STAM: variants seen among roughly 807,000 people sequenced by gnomAD.
STAM encodes the protein signal transducing adaptor molecule, also known as signal transducing adapter molecule 1.
In STAM, 16 loss-of-function variants were observed where a neutral mutation model predicts 63.4. The ratio of observed to expected loss-of-function variants is 0.25; its 90% CI spans 0.17 to 0.38. STAM has a LOEUF of 0.38. Ranked by LOEUF, STAM falls within the 10% of genes least tolerant of loss-of-function variation. STAM has a pLI of 1.00. For missense variants in STAM, 636 were observed against 657.1 expected (o/e 0.97, Z 0.35); for synonymous variants, 238 against 223.9 (o/e 1.06, Z -0.56).
chr10:17,644,708 C>A, intron 1 of STAM, among the ~76,000 whole-genome samples: 1 of 152,278 alleles, frequency 6.6e-6, no homozygotes, highest in East Asian at 1.9e-4. Context: ...CAGCGAAGGG[C>A]TTAAGGCGTA....
At chr10:17,665,319 C>T (rs971456620) in intron 2 of STAM, among the ~76,000 whole-genome samples, 1 of 152,074 alleles carries the variant, frequency 6.6e-6, no homozygotes, top group Admixed American at 6.5e-5. Flanking sequence ...AGTATGTATT[C>T]ACATGGCTCA....
rs371255096 is a variant in STAM, at chr10:17,684,763, A to C, written c.201+13A>C. 1.8e-5 allele frequency: 29 copies of C among 1,613,754 alleles called. No individual in the cohort carries two copies. The highest frequency in any genetic ancestry group is 2.0e-5 in the Non-Finnish European group (24 of 1,179,922). ...GCAGGCTTTGACTGTGAGTGGTTTC[A>C]TTTTAATCTGTACCACGAAATTACC... On this transcript the variant is annotated intron_variant, in intron 3 of 13. Coordinates refer to ENST00000377524, the MANE Select transcript of STAM (RefSeq NM_003473.4).
chr10:17,655,480 A>C (rs1184351761), intron 1 of STAM, among the ~76,000 whole-genome samples: 2 of 152,096 alleles, frequency 1.3e-5, no homozygotes, highest in Non-Finnish European at 2.9e-5. Context: ...TGCTTATTTT[A>C]GTTGTCCGGT....
At chr10:17,696,977 T>C (rs1316644148) in intron 8 of STAM, 108 bp downstream of exon 8, 3 of 811,710 alleles carry the variant, frequency 3.7e-6, no homozygotes, top group Non-Finnish European at 6.0e-6. Context: ...TGGAGTGCAG[T>C]GGTGCGAGCT....
chr10:17,661,015 A>G (rs1383201077), intron 2 of STAM, among the ~76,000 whole-genome samples: 1 of 152,136 alleles, frequency 6.6e-6, no homozygotes, highest in Non-Finnish European at 1.5e-5. Flanking sequence ...GTTATTTATG[A>G]GTTCTTTTCT....
chr10:17,677,196 TA>T (rs1834892301), intron 2 of STAM, among the ~76,000 whole-genome samples: 1 of 152,190 alleles, frequency 6.6e-6, no homozygotes, highest in Non-Finnish European at 1.5e-5. Flanking sequence ...TTGGCTGTGG[TA>T]AAACAACATA....
chr10:17,705,905 CAA>C (rs35030917), intron 12 of STAM, among the ~76,000 whole-genome samples, 164 bp downstream of exon 12: 25 of 123,230 alleles, frequency 2.0e-4, no homozygotes, highest in Admixed American at 3.2e-4. Context: ...CTGTCTCTAC[CAA>C]AAAAAAAAAA....
chr10:17,673,827 T>C (rs1247954751), intron 2 of STAM, among the ~76,000 whole-genome samples: 3 of 152,256 alleles, frequency 2.0e-5, no homozygotes, highest in Admixed American at 1.3e-4. Flanking sequence ...TAACTATTAG[T>C]GTTACAACTA....
chr10:17,677,448 A>G (rs781852810), intron 2 of STAM, among the ~76,000 whole-genome samples: 7 of 152,156 alleles, frequency 4.6e-5, no homozygotes, highest in African/African-American at 7.2e-5. Context: ...ATAATTCTTT[A>G]TATCTGGCCT....
intron 12 of STAM, among the ~76,000 whole-genome samples, chr10:17,707,180 C>T (rs910727736): frequency 6.6e-6 from 1 of 151,948 alleles, no homozygotes; most frequent in African/African-American, 2.4e-5. Context: ...GAGGCCGAGG[C>T]GGGTGGATCA....
intron 5 of STAM, among the ~76,000 whole-genome samples, chr10:17,690,460 A>G (rs1298989256): frequency 1.3e-5 from 2 of 152,218 alleles, no homozygotes; most frequent in Non-Finnish European, 2.9e-5. Flanking sequence ...CCTACAAGAA[A>G]TACATATAAA....
At chr10:17,685,591 G>A (rs897549023) in intron 4 of STAM, among the ~76,000 whole-genome samples, 1 of 152,158 alleles carries the variant, frequency 6.6e-6, no homozygotes, top group Admixed American at 6.5e-5. Context: ...GGTTGGGGCT[G>A]GTTTCTGTGT....
chr10:17,713,011 A>T (rs781997120), intron 13 of STAM, among the ~76,000 whole-genome samples: 3 of 151,928 alleles, frequency 2.0e-5, no homozygotes, highest in Non-Finnish European at 4.4e-5. Flanking sequence ...GTCCTTTGGG[A>T]CCGTTCTTGT....
chr10:17,663,865 C>T (rs1255494562), intron 2 of STAM, among the ~76,000 whole-genome samples: 1 of 151,842 alleles, frequency 6.6e-6, no homozygotes, highest in Non-Finnish European at 1.5e-5. Context: ...TTCTTGTTCT[C>T]CCTTGATAAT....
chr10:17,666,975 C>G (rs1554823473), intron 2 of STAM, among the ~76,000 whole-genome samples: 1 of 152,108 alleles, frequency 6.6e-6, no homozygotes, highest in Non-Finnish European at 1.5e-5. Flanking sequence ...GTTTGCTAGA[C>G]TCTGTTACAG....
chr10:17,694,743 G>T (rs1339024885), intron 6 of STAM, among the ~76,000 whole-genome samples: 1 of 152,068 alleles, frequency 6.6e-6, no homozygotes, highest in Non-Finnish European at 1.5e-5. Context: ...AATATCTGCA[G>T]CTAAAAAAGA....
In STAM at chr10:17,716,548, A is replaced by G. The variant is rs45526439; in HGVS notation, c.*1768A>G. Among the ~76,000 whole-genome samples the G allele has an allele frequency of 0.075, 11,404 of 152,062 alleles. 445 individuals carry two copies. The highest frequency in any genetic ancestry group is 0.13 in the Middle Eastern group (37 of 294). ...TCGGATTATAATCTTTTCCACTCCA[A>G]TTTGAGTATTATGGTTTAACTGATA... On this transcript the variant is annotated 3_prime_UTR_variant, in exon 14 of 14. Coordinates refer to ENST00000377524, the MANE Select transcript of STAM (RefSeq NM_003473.4).
chr10:17,690,120 A>C (rs1206921290), intron 5 of STAM, among the ~76,000 whole-genome samples: 1 of 152,240 alleles, frequency 6.6e-6, no homozygotes, highest in Non-Finnish European at 1.5e-5. Flanking sequence ...AGAATGGTTA[A>C]GTGACTTGCC....
At chr10:17,670,444 T>A (rs575415828) in intron 2 of STAM, among the ~76,000 whole-genome samples, 6 of 152,288 alleles carry the variant, frequency 3.9e-5, no homozygotes, top group Admixed American at 3.9e-4. Flanking sequence ...TTCACTGTGC[T>A]GTGTGCTTAG....
Sources: allele counts gnomAD v4.1 joint callset (sites outside exome capture counted in the v4.1 genomes callset), GRCh38; gene constraint gnomAD v4.1.1; transcripts MANE v1.5; gene names NCBI Gene and HGNC (gene_info 2026-07-23, HGNC 2026-07-21).